Variants in COL20A1 observed in about 807,000 individuals in gnomAD.
The protein encoded by COL20A1 is collagen alpha-1(XX) chain.
COL20A1 carries 164 observed loss-of-function variants against 152.9 expected under a neutral mutation model. The ratio of observed to expected loss-of-function variants is 1.07; its 90% CI spans 0.94 to 1.22. COL20A1 has a LOEUF of 1.22. COL20A1 is among the 50% of genes most tolerant of loss of function. The pLI, the probability that COL20A1 is intolerant of heterozygous loss-of-function variation, is 0.00. For synonymous variants in COL20A1, 864 were observed against 756.0 expected, an observed-to-expected ratio of 1.14 and a Z score of -2.34; for missense variants, 1,873 against 1,744.8, an observed-to-expected ratio of 1.07 and a Z score of -1.31.
Position 63,320,196 on chromosome 20 carries a change from C to A in COL20A1, c.3074C>A (p.Ala1025Glu). 3 of 1,588,170 alleles carry A rather than the reference C, an allele frequency of 1.9e-6. No individual in the cohort carries two copies. Among genetic ancestry groups the A allele is most frequent in the Non-Finnish European group, 2.6e-6 (3 of 1,170,074 alleles). ...KARGPRSSSA[A>E]FQLQMLQIVC... ...AGGGGCCCCCGGAGCAGTTCGGCCG[C>A]GGTGAGTTGGGCCCTGCCCACCTGC... Residue 1025 changes from alanine to glutamate, a missense_variant and splice_region_variant, in exon 24 of 36, where the codon GCG (alanine) becomes GAG (glutamate). By Grantham distance (107) the Ala-to-Glu change is moderately radical. Coordinates refer to ENST00000358894, the MANE Select transcript of COL20A1 (RefSeq NM_020882.4).
Position 63,314,094 on chromosome 20 carries a change from G to A in COL20A1, c.2381G>A (p.Ser794Asn), listed in dbSNP as rs1008052187. Reference sequence around the variant, plus strand: ...TAGGTCTCTGTGCCAGGAGCCAGGAGCCACGTGACACTGCCCGACCTGCAG... The same window carrying A: ...TAGGTCTCTGTGCCAGGAGCCAGGAACCACGTGACACTGCCCGACCTGCAG... Reference protein sequence around the residue: ...EKSVSVPGARSHVTLPDLQAA... With the variant: ...EKSVSVPGARNHVTLPDLQAA... The change falls in exon 19 of 36, where the codon AGC becomes AAC. Residue 794 changes from serine to asparagine, a missense_variant. By Grantham distance (46) the Ser-to-Asn change is conservative (BLOSUM62 1). Transcript: ENST00000358894. 3.7e-6 allele frequency: 6 copies of A among 1,612,848 alleles called. No homozygotes were observed. Among genetic ancestry groups the A allele is most frequent in the Non-Finnish European group, 5.1e-6 (6 of 1,179,788 alleles).
rs538465838 is a variant in COL20A1 at position 63,311,929 on chromosome 20, C to T, written c.1677C>T (p.Pro559=). 1.3e-6 allele frequency: 2 copies of T among 1,563,194 alleles called. No homozygotes were observed. The highest frequency in any genetic ancestry group is 2.3e-5 in the South Asian group (2 of 85,228). ...GIRARTPTLA[P]PRHLGFSDVS... ...TGTGCTTTGCAGCCACCCTGGCCCC[C>T]CCGAGACACCTGGGCTTCTCAGACG... The change falls in exon 14 of 36, where the codon CCC becomes CCT. Residue 559 remains proline, a synonymous_variant. Coordinates refer to ENST00000358894, the MANE Select transcript of COL20A1 (RefSeq NM_020882.4). The surrounding 1 kb of genome is among the most constrained non-coding windows in gnomAD (Gnocchi z 4.4).
chr20:63,297,152 C>T (rs2067804814), intron 2 of COL20A1, among the ~76,000 whole-genome samples: 1 of 152,224 alleles, frequency 6.6e-6, no homozygotes, highest in Non-Finnish European at 1.5e-5. Context: ...ACCCACACTC[C>T]CCACTGAGGC....
chr20:63,328,460 G>A lies in COL20A1; in HGVS notation c.3743G>A (p.Gly1248Glu). Reference protein sequence around the residue: ...PGTRSKALVPGEWGRGGRHLE... With the variant: ...PGTRSKALVPEEWGRGGRHLE... Reference sequence around the variant, plus strand: ...ACCCGCAGCAAGGCCCTGGTTCCTGGAGAATGGGGGCGTGGTGGCCGCCAC... The same window carrying A: ...ACCCGCAGCAAGGCCCTGGTTCCTGAAGAATGGGGGCGTGGTGGCCGCCAC... The change falls in exon 34 of 36, where the codon GGA (glycine) becomes GAA (glutamate). Residue 1248 changes from glycine to glutamate, a missense_variant. Physicochemically the swap from Gly to Glu is moderately conservative, Grantham distance 98. Transcript: ENST00000358894. The A allele has an allele frequency of 6.2e-7, 1 of 1,612,474 alleles. No individual in the cohort carries two copies. Among genetic ancestry groups the A allele is most frequent in the Non-Finnish European group, 8.5e-7 (1 of 1,179,672 alleles).
At position 63,308,682 on chromosome 20, in the gene COL20A1, C is replaced by G. The variant is rs1296181084; in HGVS notation, c.916C>G (p.Leu306Val). Residue 306 changes from leucine (L) to valine (V), a missense_variant, in exon 8 of 36, where the codon CTG becomes GTG. Transcript: ENST00000358894. ...CACTGCTGCCCGTGTCCTCAAGGACCTGGGCGTGAACGTCTTCGCTGTGGG... is the reference window on the plus strand; with the variant it reads ...CACTGCTGCCCGTGTCCTCAAGGACGTGGGCGTGAACGTCTTCGCTGTGGG... The part of the protein sequence containing the change: ...VHTAARVLKD[L>V]GVNVFAVGVK... 2.5e-6 allele frequency: 4 copies of G among 1,606,252 alleles called. No individual in the cohort carries two copies. The highest frequency in any genetic ancestry group is 3.4e-6 in the Non-Finnish European group (4 of 1,176,804).
At position 63,334,094 on chromosome 20, in the gene COL20A1, C is replaced by T. The variant is rs1459771692; in HGVS notation, c.*3378C>T. The T allele has an allele frequency of 6.6e-6, 1 of 152,226 alleles. No individual in the cohort carries two copies. Among genetic ancestry groups the T allele is most frequent in the Non-Finnish European group, 1.5e-5 (1 of 68,046 alleles). 9.4% of individuals were successfully genotyped at this position (152,226 alleles called of 1,614,324 possible). ...CCTTGCCCAGTGGAGAAACACTCTC[C>T]TCTCATGTGTGGAATATCCACACAC... On this transcript the variant is annotated 3_prime_UTR_variant, in exon 36 of 36. Coordinates refer to ENST00000358894, the MANE Select transcript of COL20A1 (RefSeq NM_020882.4).
In COL20A1 at chr20:63,311,421, C is replaced by T; in HGVS notation, c.1421C>T (p.Thr474Ile). Residue 474 changes from threonine (T) to isoleucine (I), a missense_variant, in exon 12 of 36, where the codon ACC (threonine) becomes ATC (isoleucine). Thr to Ile is a moderately conservative substitution (Grantham distance 89, BLOSUM62 -1). Transcript: ENST00000358894. This position sits in a 1 kb window ranked among gnomAD's most constrained non-coding sequence, Gnocchi z 4.4. ...CCTCTGCCTCCGCCCCGGGCGCTGA[C>T]CCTGGCCGCAGTGACGCCCAGAACC... ...TAPLPPPRAL[T>I]LAAVTPRTVH... 1 of 1,579,414 alleles carries T rather than the reference C, an allele frequency of 6.3e-7. No homozygotes were observed. Among genetic ancestry groups the T allele is most frequent in the Non-Finnish European group, 8.6e-7 (1 of 1,163,370 alleles).
At chr20:63,326,641 C>T in intron 30 of COL20A1, 111 bp from the exon 31 acceptor site, 1 of 668,528 alleles carries the variant, frequency 1.5e-6, no homozygotes, top group Non-Finnish European at 2.4e-6. Flanking sequence ...AGCCAGGCAT[C>T]CACCGCCCTT....
intron 3 of COL20A1, among the ~76,000 whole-genome samples, chr20:63,300,277 A>G (rs1252183662): frequency 1.3e-5 from 2 of 151,956 alleles, no homozygotes; most frequent in Non-Finnish European, 2.9e-5. Context: ...AGTTTGTGTA[A>G]TGTTGGTGGT....
intron 31 of COL20A1, chr20:63,327,082 C>T (rs75644446): frequency 0.02 from 8,160 of 413,678 alleles, 568 homozygotes; most frequent in African/African-American, 0.15. Context: ...GACTTCCTGT[C>T]GCTCTCCCAG....
rs981946698 is a variant in COL20A1 at position 63,306,971 on chromosome 20, G to A, written c.497-519G>A. Among the ~76,000 whole-genome samples, 1 of 152,234 alleles carries A rather than the reference G, an allele frequency of 6.6e-6. No individual in the cohort carries two copies. The highest frequency in any genetic ancestry group is 2.4e-5 in the African/African-American group (1 of 41,468). ...GGCCTCAGGGCAGCTGGGCCTCTTCGGTCGCCCCACGGGGGGCTCCACCGT... is the reference window on the plus strand; with the variant it reads ...GGCCTCAGGGCAGCTGGGCCTCTTCAGTCGCCCCACGGGGGGCTCCACCGT... On this transcript the variant is annotated intron_variant, in intron 5 of 35. Transcript: ENST00000358894. This position sits in a 1 kb window ranked among gnomAD's most constrained non-coding sequence, Gnocchi z 6.9.
intron 19 of COL20A1, 99 bp downstream of exon 19, chr20:63,314,300 CAGCCAACCCCAGACCT>C: frequency 1.9e-6 from 2 of 1,054,778 alleles, no homozygotes; most frequent in Non-Finnish European, 2.8e-6. Flanking sequence ...ACCCCAGACC[CAGCCAACCCCAGACCT>C]AGTTGACCCC....
Position 63,320,054 on chromosome 20 carries a change from G to A in COL20A1, c.2932G>A (p.Gly978Ser). 6 of 1,554,534 alleles carry A rather than the reference G, an allele frequency of 3.9e-6. No individual in the cohort carries two copies. The highest frequency in any genetic ancestry group is 4.3e-6 in the Non-Finnish European group (5 of 1,149,836). The stretch of plus-strand genomic sequence containing the variant: ...CGTCTCACAGGTGCACGTGGCTGTG[G>A]GCCGCTCCAAGGTCAGGCTCTATGT... ...GSFHKVHVAV[G>S]RSKVRLYVDC... The change falls in exon 24 of 36, where the codon GGC becomes AGC. Residue 978 changes from glycine to serine, a missense_variant. By Grantham distance (56) the Gly-to-Ser change is moderately conservative. Coordinates refer to ENST00000358894, the MANE Select transcript of COL20A1 (RefSeq NM_020882.4).
chr20:63,318,758 G>A (rs2123419201), intron 21 of COL20A1, among the ~76,000 whole-genome samples: 1 of 152,282 alleles, frequency 6.6e-6, no homozygotes, highest in Admixed American at 6.5e-5. Flanking sequence ...CATTCAATGG[G>A]AGGGATTCTG....
rs202054720 is a variant in COL20A1, at chr20:63,309,347, G to T, written c.955G>T (p.Asp319Tyr). 51 of 1,499,314 alleles carry T rather than the reference G, an allele frequency of 3.4e-5. No homozygotes were observed. The highest frequency in any genetic ancestry group is 4.5e-5 in the Non-Finnish European group (50 of 1,117,398). The allele number at this position is 1,499,314 out of a possible 1,614,324, so 92.9% of individuals were successfully genotyped here. The change falls in exon 9 of 36, where the codon GAT becomes TAT. Residue 319 changes from aspartate (D) to tyrosine (Y), a missense_variant. By Grantham distance (160) the Asp-to-Tyr change is radical. Transcript: ENST00000358894. The stretch of plus-strand genomic sequence containing the variant: ...CTCACGAGCAGGTGTGAAGAACGCC[G>T]ATGAGGCTGAGCTGAGGCTCCTGGC... ...NVFAVGVKNADEAELRLLASP... is the reference protein window; with the variant it reads ...NVFAVGVKNAYEAELRLLASP...
At position 63,321,017 on chromosome 20, in the gene COL20A1, A is replaced by T. The variant is rs1305235398; in HGVS notation, c.3158A>T (p.Asp1053Val). The T allele has an allele frequency of 6.3e-7, 1 of 1,576,402 alleles. No homozygotes were observed. The highest frequency in any genetic ancestry group is 1.4e-5 in the African/African-American group (1 of 73,828). The change falls in exon 26 of 36, where the codon GAT (aspartate) becomes GTT (valine). Residue 1053 changes from aspartate (D) to valine (V), a missense_variant. Asp to Val is a radical substitution (Grantham distance 152, BLOSUM62 -3). Transcript: ENST00000358894. ...GCAGGGTCTCTCTTCTTCCAGAGGG[A>T]TGGAGAGACCTGCCCCGCCTTCGTG... ...DRCCELPASR[D>V]GETCPAFVSA...
Position 63,312,006 on chromosome 20 carries a change from G to C in COL20A1, c.1754G>C (p.Arg585Pro). ...TGGGAGGGTGCCCCGAGGCCTGTGC[G>C]CCTGGTCAGGGTCACCTATGTGTCC... ...VFWEGAPRPV[R>P]LVRVTYVSSE... Residue 585 changes from arginine (R) to proline (P), a missense_variant, in exon 14 of 36, where the codon CGC becomes CCC. Physicochemically the swap from Arg to Pro is moderately radical, Grantham distance 103. Coordinates refer to ENST00000358894, the MANE Select transcript of COL20A1 (RefSeq NM_020882.4). 6.2e-7 allele frequency: 1 copy of C among 1,606,724 alleles called. No individual in the cohort carries two copies.
At chr20:63,318,412 C>T (rs2068112586) in intron 21 of COL20A1, among the ~76,000 whole-genome samples, 1 of 152,114 alleles carries the variant, frequency 6.6e-6, no homozygotes, top group South Asian at 2.1e-4. Flanking sequence ...GACCCTGCTC[C>T]CTGGACCCCG....
intron 6 of COL20A1, 101 bp downstream of exon 6, chr20:63,307,749 G>A (rs2067946460): frequency 7.3e-7 from 1 of 1,373,222 alleles, no homozygotes; most frequent in Non-Finnish European, 9.9e-7. Flanking sequence ...ACCAGCCAGG[G>A]CTCTCACCTT....
Sources: allele counts gnomAD v4.1 joint callset (sites outside exome capture counted in the v4.1 genomes callset), GRCh38; gene constraint gnomAD v4.1.1; non-coding constraint Gnocchi (gnomAD v3.1); transcripts MANE v1.5; gene names NCBI Gene and HGNC (gene_info 2026-07-23, HGNC 2026-07-21).